Variants in ZNF407 observed in about 807,000 individuals in gnomAD.
The protein encoded by ZNF407 is zinc finger protein 407.
A neutral mutation model predicts 131.2 loss-of-function variants in ZNF407; 17 were observed. The observed-to-expected ratio is 0.13, with a 90% CI of 0.09 to 0.19. The LOEUF (loss-of-function observed/expected upper bound fraction) is 0.19. ZNF407 is among the 10% of genes least tolerant of loss of function. The pLI, the probability that ZNF407 is intolerant of heterozygous loss-of-function variation, is 1.00. For missense variants in ZNF407, 2,681 were observed against 2,830.6 expected (o/e 0.95, Z 1.20); for synonymous variants, 1,156 against 1,062.0 (o/e 1.09, Z -1.72).
intron 8 of ZNF407, among the ~76,000 whole-genome samples, chr18:74,979,035 G>A (rs1165620899): frequency 2.0e-5 from 3 of 152,142 alleles, no homozygotes; most frequent in African/African-American, 7.2e-5. Flanking sequence ...TGAGAGAGAA[G>A]GGACGACTTC....
Position 74,830,014 on chromosome 18 carries a change from G to A in ZNF407, c.4878-47183G>A, listed in dbSNP as rs1042137060. Among the ~76,000 whole-genome samples the A allele has an allele frequency of 3.3e-5, 5 of 152,020 alleles. 1 individual carries two copies. The highest frequency in any genetic ancestry group is 2.6e-4 in the Admixed American group (4 of 15,256). Reference sequence around the variant, plus strand: ...GAGGGACCCTATTTTGATGGGATTGGTTTCCTTTTACAAAGAGGAAGAGAC... The same window carrying A: ...GAGGGACCCTATTTTGATGGGATTGATTTCCTTTTACAAAGAGGAAGAGAC... On this transcript the variant is annotated intron_variant, in intron 4 of 8. Transcript: ENST00000299687.
At chr18:74,850,347 T>G (rs1419895160) in intron 4 of ZNF407, among the ~76,000 whole-genome samples, 1 of 152,184 alleles carries the variant, frequency 6.6e-6, no homozygotes. Context: ...CCTAAAAAAC[T>G]TGAGATGGGT....
intron 3 of ZNF407, among the ~76,000 whole-genome samples, chr18:74,696,681 T>C (rs959910521): frequency 6.6e-6 from 1 of 152,172 alleles, no homozygotes; most frequent in African/African-American, 2.4e-5. Flanking sequence ...TACACATGAA[T>C]GTATGTATGT....
At chr18:75,003,400 T>C (rs1490311673) in intron 8 of ZNF407, among the ~76,000 whole-genome samples, 1 of 152,224 alleles carries the variant, frequency 6.6e-6, no homozygotes, top group Non-Finnish European at 1.5e-5. Context: ...TGTACATCCC[T>C]TGGACAAGTT....
chr18:74,698,545 G>A (rs1967415180), intron 3 of ZNF407, among the ~76,000 whole-genome samples: 1 of 152,176 alleles, frequency 6.6e-6, no homozygotes, highest in South Asian at 2.1e-4. Flanking sequence ...ATGTGTGTGG[G>A]AGTGAGGGGA....
intron 3 of ZNF407, among the ~76,000 whole-genome samples, chr18:74,737,951 A>G (rs1968455683): frequency 1.3e-5 from 2 of 152,220 alleles, no homozygotes. Flanking sequence ...CTAAAACATG[A>G]AGTTTATTTT....
At chr18:74,792,896 C>T (rs943630613) in intron 4 of ZNF407, among the ~76,000 whole-genome samples, 3 of 152,142 alleles carry the variant, frequency 2.0e-5, no homozygotes, top group Admixed American at 6.5e-5. Flanking sequence ...AGTTTCTCCA[C>T]GTCTTACAGA....
chr18:74,974,579 A>G (rs1422480447), intron 8 of ZNF407, among the ~76,000 whole-genome samples: 3 of 152,220 alleles, frequency 2.0e-5, no homozygotes, highest in African/African-American at 4.8e-5. Flanking sequence ...AGCTATATTT[A>G]TGCCTTTCAG....
chr18:74,878,196 C>T (rs1483839188), intron 5 of ZNF407, among the ~76,000 whole-genome samples: 1 of 152,098 alleles, frequency 6.6e-6, no homozygotes, highest in East Asian at 1.9e-4. Context: ...TTGAGTCTCT[C>T]CCTAGAGCAT....
chr18:74,603,454 T>C (rs894716654), intron 1 of ZNF407, among the ~76,000 whole-genome samples: 21 of 152,204 alleles, frequency 1.4e-4, no homozygotes, highest in African/African-American at 5.1e-4. Context: ...CCCATTCTTT[T>C]AATGTGAGCA....
At chr18:74,794,625 A>G (rs1969886158) in intron 4 of ZNF407, among the ~76,000 whole-genome samples, 1 of 152,186 alleles carries the variant, frequency 6.6e-6, no homozygotes, top group Non-Finnish European at 1.5e-5. Flanking sequence ...CAGATGTAAA[A>G]GTTTCAGAGA....
At chr18:75,052,232 T>C (rs1215794864) in intron 8 of ZNF407, among the ~76,000 whole-genome samples, 1 of 152,246 alleles carries the variant, frequency 6.6e-6, no homozygotes, top group Non-Finnish European at 1.5e-5. Flanking sequence ...ATAAAGTGTT[T>C]AAATTTTAGA....
chr18:74,717,480 A>G lies in ZNF407; in HGVS notation c.4803-63948A>G, dbSNP rs192640677. Among the ~76,000 whole-genome samples, 398 of 152,362 alleles carry G rather than the reference A, an allele frequency of 2.6e-3. 1 individual carries two copies. Among genetic ancestry groups the G allele is most frequent in the Admixed American group, 4.2e-3 (65 of 15,306 alleles). On this transcript the variant is annotated intron_variant, in intron 3 of 8. Coordinates refer to ENST00000299687, the MANE Select transcript of ZNF407 (RefSeq NM_017757.3). ...ATGATAACTGTTGCTGCCTTCAGTAATAAAACTGAATTATGTATACAGATC... is the reference window on the plus strand; with the variant it reads ...ATGATAACTGTTGCTGCCTTCAGTAGTAAAACTGAATTATGTATACAGATC...
rs116134378 is a variant in ZNF407, at chr18:74,715,355, A to G, written c.4803-66073A>G. Reference sequence around the variant, plus strand: ...CACATATTTACTGAAATGTGACTCTACGCTGGGTATTGTGCCAGACTCTGG... The same window carrying G: ...CACATATTTACTGAAATGTGACTCTGCGCTGGGTATTGTGCCAGACTCTGG... On this transcript the variant is annotated intron_variant, in intron 3 of 8. Transcript: ENST00000299687. 6.8e-3 allele frequency among the ~76,000 whole-genome samples: 1,037 copies of G among 152,322 alleles called. 7 individuals carry two copies. The highest frequency in any genetic ancestry group is 0.022 in the African/African-American group (905 of 41,562).
In ZNF407 at chr18:74,684,570, T is replaced by C. The variant is rs1967055581; in HGVS notation, c.4802+43448T>C. 2.0e-5 allele frequency among the ~76,000 whole-genome samples: 3 copies of C among 152,326 alleles called. No homozygotes were observed. In the South Asian group the frequency reaches 6.2e-4, roughly 32 times the overall value. On this transcript the variant is annotated intron_variant, in intron 3 of 8. Coordinates refer to ENST00000299687, the MANE Select transcript of ZNF407 (RefSeq NM_017757.3). ...ACTTTGTTCTCTAAAGAGCGTTCTT[T>C]TTGAGATTTTACAGATTGTAAACTG...
At chr18:74,891,284 C>T (rs1462058136) in intron 7 of ZNF407, among the ~76,000 whole-genome samples, 1 of 152,116 alleles carries the variant, frequency 6.6e-6, no homozygotes, top group African/African-American at 2.4e-5. Flanking sequence ...GAGAGCCTTC[C>T]TTATCCTGGA....
chr18:74,788,356 G>A (rs1341094831), intron 4 of ZNF407, among the ~76,000 whole-genome samples: 2 of 152,080 alleles, frequency 1.3e-5, no homozygotes, highest in Non-Finnish European at 2.9e-5. Context: ...GCATCCCTGT[G>A]ATTAGGCATA....
chr18:74,964,086 C>G (rs532364673), intron 8 of ZNF407, among the ~76,000 whole-genome samples: 13 of 152,284 alleles, frequency 8.5e-5, no homozygotes, highest in South Asian at 2.1e-4. Flanking sequence ...GCGCCTATCA[C>G]GTGAAGCCTA....
intron 8 of ZNF407, among the ~76,000 whole-genome samples, chr18:74,982,186 C>A (rs577996840): frequency 2.0e-5 from 3 of 152,258 alleles, no homozygotes; most frequent in East Asian, 1.9e-4. Context: ...CCTTCTTTTG[C>A]GAACTTTTCA....
Sources: gnomAD v4.1 joint callset for allele counts (sites outside exome capture counted in the v4.1 genomes callset) on GRCh38, gnomAD v4.1.1 for gene constraint, MANE v1.5 for transcripts, NCBI Gene and HGNC (gene_info 2026-07-23, HGNC 2026-07-21) for gene names.